NGEF: variants seen among roughly 807,000 people sequenced by gnomAD.
NGEF encodes the protein neuronal guanine nucleotide exchange factor, also known as ephexin-1.
Under a neutral mutation model 80.9 loss-of-function variants are expected in NGEF, and 31 were observed. The ratio of observed to expected loss-of-function variants is 0.38; its 90% CI spans 0.29 to 0.52. NGEF has a LOEUF of 0.52. Ranked by LOEUF, NGEF falls within the 20% of genes least tolerant of loss-of-function variation. The pLI, the probability that NGEF is intolerant of heterozygous loss-of-function variation, is 0.84. For missense variants in NGEF, 709 were observed against 926.2 expected (o/e 0.77, Z 3.04); for synonymous variants, 371 against 370.2 (o/e 1.00, Z -0.03).
At chr2:232,969,915 A>G in intron 3 of NGEF, 1 of 185,860 alleles carries the variant, frequency 5.4e-6, no homozygotes, top group Non-Finnish European at 1.1e-5. Context: ...CTGTAATCCC[A>G]GCTCTTTGGG....
intron 1 of NGEF, among the ~76,000 whole-genome samples, chr2:232,989,148 G>T (rs554732711): frequency 6.6e-6 from 1 of 152,030 alleles, no homozygotes; most frequent in African/African-American, 2.4e-5. Context: ...ATACATTTTT[G>T]GTTCTTAAAG....
intron 1 of NGEF, among the ~76,000 whole-genome samples, chr2:233,006,303 A>G (rs1274045729): frequency 6.6e-6 from 1 of 152,224 alleles, no homozygotes; most frequent in Non-Finnish European, 1.5e-5. Context: ...TTTGCTGGGA[A>G]AAATGCCTTC....
intron 5 of NGEF, among the ~76,000 whole-genome samples, chr2:232,908,424 AAT>A (rs756377192): frequency 1.3e-5 from 2 of 152,280 alleles, no homozygotes; most frequent in South Asian, 2.1e-4. Flanking sequence ...CTAGGTTTTA[AAT>A]ATATATATTT....
At chr2:232,907,267 ACCAAAAGG>A (rs2106262743) in intron 5 of NGEF, among the ~76,000 whole-genome samples, 1 of 150,810 alleles carries the variant, frequency 6.6e-6, no homozygotes, top group African/African-American at 2.4e-5. Context: ...GATTAAGCCT[ACCAAAAGG>A]CCATCATTAT....
At chr2:232,901,329 G>C (rs1248398054) in intron 5 of NGEF, 2 of 980,526 alleles carry the variant, frequency 2.0e-6, no homozygotes, top group Non-Finnish European at 2.4e-6. Flanking sequence ...AGCAAAGCTC[G>C]AGGCTGCGCG....
intron 1 of NGEF, among the ~76,000 whole-genome samples, chr2:232,984,773 A>C: frequency 6.6e-6 from 1 of 152,194 alleles, no homozygotes; most frequent in East Asian, 1.9e-4. Context: ...GGAACTTCTA[A>C]AAAGTTAAAC....
intron 14 of NGEF, 124 bp downstream of exon 14, chr2:232,881,022 G>T: frequency 1.4e-6 from 1 of 734,604 alleles, no homozygotes; most frequent in Non-Finnish European, 2.3e-6. Context: ...ATGTCTCAGG[G>T]AGCAAGAGAC....
intron 1 of NGEF, among the ~76,000 whole-genome samples, chr2:232,999,917 G>C (rs12471240): frequency 0.15 from 23,070 of 152,212 alleles, 1,968 homozygotes; most frequent in South Asian, 0.29. Context: ...TTATAAAAAG[G>C]TCGGCTAAAA....
intron 5 of NGEF, chr2:232,901,265 T>G: frequency 3.2e-6 from 2 of 622,210 alleles, no homozygotes. Flanking sequence ...GTGTCTGTCC[T>G]CGGAGTCCCA....
chr2:232,934,742 T>A (rs961623976), intron 3 of NGEF, among the ~76,000 whole-genome samples: 1 of 152,110 alleles, frequency 6.6e-6, no homozygotes, highest in Non-Finnish European at 1.5e-5. Context: ...GTCGCTCACA[T>A]CTGTAATCCC....
chr2:232,954,982 G>A (rs1693767306), intron 3 of NGEF, among the ~76,000 whole-genome samples: 1 of 151,810 alleles, frequency 6.6e-6, no homozygotes, highest in African/African-American at 2.4e-5. Context: ...GCACTTTACG[G>A]ATAACAGCTT....
chr2:232,946,923 A>C (rs1172064700), intron 3 of NGEF, among the ~76,000 whole-genome samples: 1 of 135,716 alleles, frequency 7.4e-6, no homozygotes, highest in Middle Eastern at 4.3e-3. Flanking sequence ...AAAAGAAAAC[A>C]AACCAAAAAA....
chr2:232,970,329 CTG>C lies in NGEF; in HGVS notation c.269-3_269-2del. On this transcript the variant is annotated splice_acceptor_variant and splice_polypyrimidine_tract_variant and intron_variant, in intron 2 of 14. Transcript: ENST00000264051. LOFTEE classifies it high-confidence loss of function. ...ACAGATTTTCCATTGTCCTGTGAAT[CTG>C]TGACAATTCAGAAATGGAGCAAGTT... The C allele has an allele frequency of 6.3e-7, 1 of 1,575,840 alleles. No homozygotes were observed. The highest frequency in any genetic ancestry group is 8.6e-7 in the Non-Finnish European group (1 of 1,156,208).
chr2:232,965,936 A>G (rs1694050144), intron 3 of NGEF, among the ~76,000 whole-genome samples: 1 of 152,008 alleles, frequency 6.6e-6, no homozygotes, highest in Non-Finnish European at 1.5e-5. Flanking sequence ...CTTCCTCCAG[A>G]TTCCCCACTT....
Position 232,906,847 on chromosome 2 carries a change from T to C in NGEF, c.829-11931A>G, listed in dbSNP as rs189435713. On this transcript the variant is annotated intron_variant, in intron 5 of 14. Coordinates refer to ENST00000264051, the MANE Select transcript of NGEF (RefSeq NM_019850.3). ...TTTTGTTCTGTACTAAGAAAAATTC[T>C]TCTGCCTTGGGATCCTGTTGATCTA... 1.9e-3 allele frequency among the ~76,000 whole-genome samples: 295 copies of C among 152,014 alleles called. 1 individual carries two copies. The East Asian group carries it at 0.023, about 12-fold the overall frequency.
chr2:232,959,283 C>G (rs1559224684), intron 3 of NGEF, among the ~76,000 whole-genome samples: 2 of 151,942 alleles, frequency 1.3e-5, no homozygotes, highest in Admixed American at 6.6e-5. Flanking sequence ...CCGGTGTTTC[C>G]TGTAAATTCC....
At chr2:232,999,158 T>C (rs937253452) in intron 1 of NGEF, among the ~76,000 whole-genome samples, 4 of 152,162 alleles carry the variant, frequency 2.6e-5, no homozygotes, top group Non-Finnish European at 4.4e-5. Flanking sequence ...TAAATGAGAT[T>C]ATGATGATGG....
chr2:232,996,947 G>A (rs1342845746), intron 1 of NGEF, among the ~76,000 whole-genome samples: 3 of 152,134 alleles, frequency 2.0e-5, no homozygotes, highest in African/African-American at 7.2e-5. Context: ...GTGTCCTAAC[G>A]CCCACTCGAA....
chr2:232,953,698 G>A (rs976636564), intron 3 of NGEF, among the ~76,000 whole-genome samples: 1 of 152,078 alleles, frequency 6.6e-6, no homozygotes, highest in African/African-American at 2.4e-5. Context: ...TTTCTTCTAT[G>A]GAGCATAACT....
Sources: allele counts gnomAD v4.1 joint callset (sites outside exome capture counted in the v4.1 genomes callset), GRCh38; gene constraint gnomAD v4.1.1; transcripts MANE v1.5; gene names NCBI Gene and HGNC (gene_info 2026-07-23, HGNC 2026-07-21).